Variants in PPP1R9A observed in about 807,000 individuals in gnomAD.
PPP1R9A encodes neurabin-1.
A neutral mutation model predicts 141.9 loss-of-function variants in PPP1R9A; 59 were observed. That is an observed-to-expected ratio of 0.42 (90% CI 0.34 to 0.52). PPP1R9A has a LOEUF of 0.52. PPP1R9A is among the 20% of genes least tolerant of loss of function. PPP1R9A has a pLI of 0.10. For synonymous variants in PPP1R9A, 500 were observed against 569.7 expected (o/e 0.88, Z 1.74); for missense variants, 1,444 against 1,611.9 (o/e 0.90, Z 1.78).
chr7:95,238,206 T>G (rs1411783499), intron 8 of PPP1R9A, among the ~76,000 whole-genome samples: 2 of 152,158 alleles, frequency 1.3e-5, no homozygotes, highest in Admixed American at 1.3e-4. Flanking sequence ...ACAAAATAAT[T>G]AGTTCCAGCT....
intron 2 of PPP1R9A, among the ~76,000 whole-genome samples, chr7:94,949,487 T>C (rs1459263392): frequency 6.6e-6 from 1 of 152,104 alleles, no homozygotes; most frequent in Non-Finnish European, 1.5e-5. Flanking sequence ...GTCCTCAGAA[T>C]TGGATGCAAG....
At chr7:95,221,797 A>C (rs975611120) in intron 7 of PPP1R9A, among the ~76,000 whole-genome samples, 1 of 152,078 alleles carries the variant, frequency 6.6e-6, no homozygotes, top group Non-Finnish European at 1.5e-5. Flanking sequence ...ATCTGTTTTA[A>C]AGATGCTACA....
intron 2 of PPP1R9A, among the ~76,000 whole-genome samples, chr7:95,090,885 G>A (rs1214890850): frequency 6.6e-6 from 1 of 151,812 alleles, no homozygotes; most frequent in Non-Finnish European, 1.5e-5. Flanking sequence ...TACATAATTG[G>A]GATCATGTAT....
At chr7:94,998,260 G>A (rs563939807) in intron 2 of PPP1R9A, among the ~76,000 whole-genome samples, 26 of 152,168 alleles carry the variant, frequency 1.7e-4, no homozygotes, top group African/African-American at 4.8e-4. Flanking sequence ...TTTAAATTAG[G>A]TTTATAGCTC....
intron 2 of PPP1R9A, among the ~76,000 whole-genome samples, chr7:94,981,737 A>AT (rs1800138140): frequency 6.6e-6 from 1 of 152,136 alleles, no homozygotes; most frequent in Non-Finnish European, 1.5e-5. Context: ...ACTAGTGTCC[A>AT]TATTTTCATA....
rs1232497448 is a variant in PPP1R9A at position 95,081,407 on chromosome 7, G to A, written c.1396-29852G>A. 6.6e-5 allele frequency among the ~76,000 whole-genome samples: 10 copies of A among 152,184 alleles called. No individual in the cohort carries two copies. In the East Asian group the frequency reaches 1.2e-3, roughly 18 times the overall value. ...ATGTTTTGAGGTGCTAGAGAAAAAC[G>A]TATTAGGAAGAGATATGGAAACTAT... On this transcript the variant is annotated intron_variant, in intron 2 of 19. Coordinates refer to ENST00000433360, the MANE Select transcript of PPP1R9A (RefSeq NM_001166160.2).
chr7:95,213,034 A>G (rs966089711), intron 7 of PPP1R9A, among the ~76,000 whole-genome samples: 3 of 152,044 alleles, frequency 2.0e-5, no homozygotes, highest in African/African-American at 7.2e-5. Flanking sequence ...GGAATGCCAT[A>G]CTCGGAGAAA....
chr7:95,214,911 G>T (rs1792972690), intron 7 of PPP1R9A, among the ~76,000 whole-genome samples: 1 of 152,116 alleles, frequency 6.6e-6, no homozygotes, highest in African/African-American at 2.4e-5. Context: ...AAGGATTTTA[G>T]ATGTTTCTTG....
intron 2 of PPP1R9A, among the ~76,000 whole-genome samples, chr7:95,097,243 C>T (rs1419752227): frequency 6.6e-6 from 1 of 152,082 alleles, no homozygotes; most frequent in East Asian, 1.9e-4. Flanking sequence ...CCAGGCTGGT[C>T]CTGAACTCCT....
intron 2 of PPP1R9A, among the ~76,000 whole-genome samples, chr7:95,005,042 G>A (rs1182782067): frequency 6.6e-6 from 1 of 152,172 alleles, no homozygotes; most frequent in African/African-American, 2.4e-5. Context: ...ATATACTTTC[G>A]TTTGTAAGCT....
intron 4 of PPP1R9A, among the ~76,000 whole-genome samples, chr7:95,140,563 G>C (rs1826475156): frequency 6.6e-6 from 1 of 151,874 alleles, no homozygotes; most frequent in Admixed American, 6.6e-5. Context: ...TAATTTTTTT[G>C]TATTTTTAGT....
At chr7:95,107,759 T>G (rs1286213984) in intron 2 of PPP1R9A, among the ~76,000 whole-genome samples, 3 of 152,188 alleles carry the variant, frequency 2.0e-5, no homozygotes, top group Non-Finnish European at 4.4e-5. Context: ...TTTTTCAAAC[T>G]GCTTGTTAGT....
At chr7:95,189,436 T>C (rs1324144703) in intron 5 of PPP1R9A, among the ~76,000 whole-genome samples, 1 of 141,996 alleles carries the variant, frequency 7.0e-6, no homozygotes, top group African/African-American at 2.6e-5. Flanking sequence ...GTTTATTCTT[T>C]TTTTTTTTTT....
rs1389028881 is a variant in PPP1R9A, at chr7:94,910,304, A to G, written c.191A>G (p.Asn64Ser). Residue 64 changes from asparagine to serine, a missense_variant, in exon 2 of 20, where the codon AAC (asparagine) becomes AGC (serine). Asn to Ser is a conservative substitution (Grantham distance 46). Coordinates refer to ENST00000433360, the MANE Select transcript of PPP1R9A (RefSeq NM_001166160.2). This position sits in a 1 kb window ranked among gnomAD's most constrained non-coding sequence, Gnocchi z 4.5. ...GGGAGGAAATATGGCTCCAATGTCAACAGAATTAAAAACCTATTTATGCAG... is the reference window on the plus strand; with the variant it reads ...GGGAGGAAATATGGCTCCAATGTCAGCAGAATTAAAAACCTATTTATGCAG... The part of the protein sequence containing the change: ...SRGRKYGSNV[N>S]RIKNLFMQMG... The G allele has an allele frequency of 6.2e-7, 1 of 1,614,002 alleles. No individual in the cohort carries two copies. The highest frequency in any genetic ancestry group is 8.5e-7 in the Non-Finnish European group (1 of 1,180,030).
At chr7:95,186,503 T>C (rs1171306400) in intron 5 of PPP1R9A, among the ~76,000 whole-genome samples, 1 of 152,112 alleles carries the variant, frequency 6.6e-6, no homozygotes, top group Non-Finnish European at 1.5e-5. Flanking sequence ...TGGATACCCT[T>C]TATTTATTTC....
At chr7:95,020,281 A>T (rs995325287) in intron 2 of PPP1R9A, among the ~76,000 whole-genome samples, 1 of 152,158 alleles carries the variant, frequency 6.6e-6, no homozygotes, top group African/African-American at 2.4e-5. Context: ...TGATGGTTTC[A>T]TGGGAATATA....
intron 2 of PPP1R9A, among the ~76,000 whole-genome samples, chr7:94,928,223 A>G (rs1449950061): frequency 6.6e-6 from 1 of 152,120 alleles, no homozygotes; most frequent in African/African-American, 2.4e-5. Context: ...AAACCAGAAC[A>G]GTTGGAGGAA....
In PPP1R9A at chr7:95,085,484, G is replaced by A. The variant is rs921733362; in HGVS notation, c.1396-25775G>A. Among the ~76,000 whole-genome samples, 8 of 146,848 alleles carry A rather than the reference G, an allele frequency of 5.4e-5. 1 individual carries two copies. Among genetic ancestry groups the A allele is most frequent in the South Asian group, 2.1e-4 (1 of 4,688 alleles). On this transcript the variant is annotated intron_variant, in intron 2 of 19. Transcript: ENST00000433360. ...AGGCTGAGTACAGTGGCACGATCTC[G>A]GCTCACTGCAACCTCCGCCTGCTGG... is the stretch of plus-strand genomic sequence containing the variant.
At position 95,071,934 on chromosome 7, in the gene PPP1R9A, C is replaced by A. The variant is rs143791664; in HGVS notation, c.1396-39325C>A. Among the ~76,000 whole-genome samples, 108 of 151,476 alleles carry A rather than the reference C, an allele frequency of 7.1e-4. 1 individual carries two copies. The East Asian group carries it at 0.017, about 24-fold the overall frequency. Reference sequence around the variant, plus strand: ...CGTATTTTATCTACCTTTTTGTAGTCTTTTGCCTACTTTATATCATATTTA... The same window carrying A: ...CGTATTTTATCTACCTTTTTGTAGTATTTTGCCTACTTTATATCATATTTA... On this transcript the variant is annotated intron_variant, in intron 2 of 19. Coordinates refer to ENST00000433360, the MANE Select transcript of PPP1R9A (RefSeq NM_001166160.2).
Sources: allele counts gnomAD v4.1 joint callset (sites outside exome capture counted in the v4.1 genomes callset), GRCh38; gene constraint gnomAD v4.1.1; non-coding constraint Gnocchi (gnomAD v3.1); transcripts MANE v1.5; gene names NCBI Gene and HGNC (gene_info 2026-07-23, HGNC 2026-07-21).